The following GRB2 variants were observed in gnomAD, a reference collection of about 807,000 sequenced individuals.
The protein encoded by GRB2 is growth factor receptor-bound protein 2.
In GRB2, 2 loss-of-function variants were observed where a neutral mutation model predicts 27.4. That is an observed-to-expected ratio of 0.07 (90% CI 0.03 to 0.23). The LOEUF is 0.23. GRB2 is among the 10% of genes least tolerant of loss of function. The pLI is 1.00. For synonymous variants in GRB2, 94 were observed against 99.6 expected (o/e 0.94, Z 0.33); for missense variants, 102 against 282.4 (o/e 0.36, Z 4.58).
intron 2 of GRB2, among the ~76,000 whole-genome samples, chr17:75,385,939 T>C (rs55984975): frequency 0.084 from 12,723 of 152,214 alleles, 647 homozygotes; most frequent in Non-Finnish European, 0.11. Flanking sequence ...TTTTGGCTTG[T>C]ATGGCAATTT....
At chr17:75,336,650 T>C (rs1466303672) in intron 2 of GRB2, among the ~76,000 whole-genome samples, 1 of 152,186 alleles carries the variant, frequency 6.6e-6, no homozygotes, top group East Asian at 1.9e-4. Flanking sequence ...TATGGCTGTC[T>C]ACAGAACAAA....
At chr17:75,343,395 A>G (rs971504842) in intron 2 of GRB2, among the ~76,000 whole-genome samples, 6 of 152,230 alleles carry the variant, frequency 3.9e-5, no homozygotes, top group African/African-American at 1.4e-4. Flanking sequence ...AAATGATCAC[A>G]TTAAGAGACC....
At chr17:75,330,707 CAA>C (rs61093959) in intron 3 of GRB2, among the ~76,000 whole-genome samples, 1 of 135,520 alleles carries the variant, frequency 7.4e-6, no homozygotes. Flanking sequence ...AAACAAAAAA[CAA>C]AAAAAAAAAA....
At chr17:75,343,433 C>A (rs914573075) in intron 2 of GRB2, among the ~76,000 whole-genome samples, 17 of 152,118 alleles carry the variant, frequency 1.1e-4, no homozygotes, top group African/African-American at 4.1e-4. Flanking sequence ...AAAAAAGTTT[C>A]TTTATAATGT....
intron 2 of GRB2, among the ~76,000 whole-genome samples, chr17:75,342,508 G>A (rs1049059212): frequency 2.6e-5 from 4 of 151,962 alleles, no homozygotes; most frequent in African/African-American, 4.8e-5. Flanking sequence ...AGGCTCAAGC[G>A]ATCCTCCCAC....
At chr17:75,392,980 T>C (rs778357183) in intron 2 of GRB2, among the ~76,000 whole-genome samples, 2 of 152,208 alleles carry the variant, frequency 1.3e-5, no homozygotes, top group East Asian at 3.8e-4. Flanking sequence ...ACTTGTACAA[T>C]AGCAGGTTGC....
chr17:75,404,309 C>G (rs1262129267), intron 1 of GRB2, among the ~76,000 whole-genome samples: 3 of 152,218 alleles, frequency 2.0e-5, no homozygotes, highest in South Asian at 2.1e-4. Context: ...TCCCCGTTCT[C>G]AGAGAGGGGA....
At chr17:75,367,603 T>C (rs1402745856) in intron 2 of GRB2, among the ~76,000 whole-genome samples, 1 of 152,218 alleles carries the variant, frequency 6.6e-6, no homozygotes, top group African/African-American at 2.4e-5. Context: ...GAAGTTACCT[T>C]GTGAGAAATG....
At chr17:75,393,947 G>A (rs148327694) in intron 1 of GRB2, 182 bp from the exon 2 acceptor site, 15 of 427,724 alleles carry the variant, frequency 3.5e-5, no homozygotes, top group African/African-American at 2.3e-4. Context: ...TCGGCCCCCA[G>A]GCGACTGACA....
At chr17:75,325,546 C>G (rs957885885) in intron 4 of GRB2, among the ~76,000 whole-genome samples, 12 of 152,196 alleles carry the variant, frequency 7.9e-5, no homozygotes, top group African/African-American at 2.9e-4. Context: ...CTGAGCAAGG[C>G]AAGCCAAGGC....
At position 75,336,632 on chromosome 17, in the gene GRB2, C is replaced by T. The variant is rs554938636; in HGVS notation, c.79-3835G>A. 2.0e-5 allele frequency among the ~76,000 whole-genome samples: 3 copies of T among 152,302 alleles called. No individual in the cohort carries two copies. The South Asian group carries it at 6.2e-4, about 32-fold the overall frequency. ...GGGCAACTCCTAGATTTGACATCAA[C>T]TTAGAACTATGGCTGTCTACAGAAC... is the stretch of plus-strand genomic sequence containing the variant. On this transcript the variant is annotated intron_variant, in intron 2 of 5. Coordinates refer to ENST00000316804, the MANE Select transcript of GRB2 (RefSeq NM_002086.5).
At chr17:75,363,043 A>G (rs1395370136) in intron 2 of GRB2, among the ~76,000 whole-genome samples, 2 of 152,020 alleles carry the variant, frequency 1.3e-5, no homozygotes, top group Admixed American at 6.6e-5. Context: ...AAAGTATAAA[A>G]CCCTTTTAAA....
chr17:75,323,806 CTTTTTTT>C (rs398031609), intron 4 of GRB2, among the ~76,000 whole-genome samples: 1 of 144,732 alleles, frequency 6.9e-6, no homozygotes, highest in African/African-American at 2.6e-5. Flanking sequence ...TTTTTCTTTT[CTTTTTTT>C]TTTTTTTTTA....
intron 2 of GRB2, among the ~76,000 whole-genome samples, chr17:75,354,445 T>C (rs887767753): frequency 2.0e-5 from 3 of 152,124 alleles, no homozygotes; most frequent in African/African-American, 7.2e-5. Flanking sequence ...CTATTTTTAG[T>C]AGAGATGGGG....
chr17:75,341,883 G>A lies in GRB2; in HGVS notation c.79-9086C>T, dbSNP rs181078048. Among the ~76,000 whole-genome samples, 13 of 152,272 alleles carry A rather than the reference G, an allele frequency of 8.5e-5. No individual in the cohort carries two copies. The East Asian group carries it at 1.3e-3, about 16-fold the overall frequency. Reference sequence around the variant, plus strand: ...ACCATAATTTTTCTGTTAAAAAGCCGTAAGTATCCTTCTACAAGTGCAAAT... The same window carrying A: ...ACCATAATTTTTCTGTTAAAAAGCCATAAGTATCCTTCTACAAGTGCAAAT... On this transcript the variant is annotated intron_variant, in intron 2 of 5. Coordinates refer to ENST00000316804, the MANE Select transcript of GRB2 (RefSeq NM_002086.5).
rs142931937 is a variant in GRB2, at chr17:75,355,674, G to A, written c.79-22877C>T. On this transcript the variant is annotated intron_variant, in intron 2 of 5. Transcript: ENST00000316804. ...AGAAAGCACAAATTTGTGTTGGGCC[G>A]CCTTCAAAGCCATCCTGGGCCACAT... 2.8e-4 allele frequency among the ~76,000 whole-genome samples: 42 copies of A among 151,484 alleles called. 1 individual carries two copies. In the East Asian group the frequency reaches 6.4e-3, roughly 23 times the overall value.
chr17:75,393,535 C>T lies in GRB2; in HGVS notation c.78+16G>A, dbSNP rs765977866. 7.5e-6 allele frequency: 12 copies of T among 1,604,202 alleles called. No individual in the cohort carries two copies. The East Asian group carries it at 8.9e-5, about 12-fold the overall frequency. On this transcript the variant is annotated intron_variant, in intron 2 of 5. Coordinates refer to ENST00000316804, the MANE Select transcript of GRB2 (RefSeq NM_002086.5). ...GGGAGAGCGATCTCAGCATTGTGCT[C>T]GGCATCAGCACTTACCTTGAGGATG...
intron 2 of GRB2, among the ~76,000 whole-genome samples, chr17:75,368,836 G>T (rs1387524074): frequency 6.6e-6 from 1 of 152,106 alleles, no homozygotes; most frequent in Admixed American, 6.5e-5. Context: ...GTGAGCCACT[G>T]CACCCAGATA....
chr17:75,325,390 TC>T (rs1219633324), intron 4 of GRB2, among the ~76,000 whole-genome samples: 1 of 152,232 alleles, frequency 6.6e-6, no homozygotes, highest in Non-Finnish European at 1.5e-5. Flanking sequence ...CGGCAGAACT[TC>T]CTGTCTTCTC....
Sources: gnomAD v4.1 joint callset for allele counts (sites outside exome capture counted in the v4.1 genomes callset) on GRCh38, gnomAD v4.1.1 for gene constraint, MANE v1.5 for transcripts, NCBI Gene and HGNC (gene_info 2026-07-23, HGNC 2026-07-21) for gene names.